PDE4D: variants seen among roughly 807,000 people sequenced by gnomAD.
The protein encoded by PDE4D is 3',5'-cyclic-AMP phosphodiesterase 4D.
In PDE4D, 24 loss-of-function variants were observed where a neutral mutation model predicts 87.4. The observed-to-expected ratio is 0.27, with a 90% CI of 0.20 to 0.39. PDE4D has a LOEUF of 0.39. Among genes scored for constraint, PDE4D ranks in the 10% least tolerant of loss-of-function variants. PDE4D has a pLI of 1.00. For missense variants in PDE4D, 714 were observed against 1,041.0 expected (o/e 0.69, Z 4.32); for synonymous variants, 384 against 383.2 (o/e 1.00, Z -0.02).
At chr5:60,279,944 T>G (rs1751736115) in intron 1 of PDE4D, among the ~76,000 whole-genome samples, 1 of 152,070 alleles carries the variant, frequency 6.6e-6, no homozygotes, top group Non-Finnish European at 1.5e-5. Context: ...CCTCCCAAAG[T>G]GCTGGGATTA....
At chr5:59,949,882 A>C (rs1178456714) in intron 3 of PDE4D, among the ~76,000 whole-genome samples, 3 of 152,092 alleles carry the variant, frequency 2.0e-5, no homozygotes, top group Non-Finnish European at 4.4e-5. Context: ...TATTTGCTTT[A>C]TATTATTTTA....
At chr5:59,801,804 T>A (rs932831781) in intron 1 of PDE4D, among the ~76,000 whole-genome samples, 2 of 152,164 alleles carry the variant, frequency 1.3e-5, no homozygotes, top group African/African-American at 4.8e-5. Context: ...AACAAACACT[T>A]ACCCACCAGA....
At chr5:60,473,702 T>C (rs1748036873) in intron 1 of PDE4D, among the ~76,000 whole-genome samples, 1 of 151,908 alleles carries the variant, frequency 6.6e-6, no homozygotes, top group African/African-American at 2.4e-5. Context: ...TGTCAATGGC[T>C]CCCCATGCCA....
chr5:59,669,867 A>G (rs1746902136), intron 1 of PDE4D, among the ~76,000 whole-genome samples: 1 of 152,214 alleles, frequency 6.6e-6, no homozygotes, highest in South Asian at 2.1e-4. Context: ...TCTACATTTT[A>G]TCAGTCAGTG....
At chr5:59,018,395 T>G (rs1754458102) in intron 6 of PDE4D, among the ~76,000 whole-genome samples, 1 of 152,210 alleles carries the variant, frequency 6.6e-6, no homozygotes. Context: ...CTATTACACT[T>G]TGGGTGAATG....
intron 2 of PDE4D, chr5:60,127,724 C>A (rs1230002966): frequency 8.9e-6 from 5 of 563,138 alleles, no homozygotes; most frequent in Non-Finnish European, 1.6e-5. Flanking sequence ...TATTTTGGAT[C>A]TAAAATGCCT....
chr5:59,905,988 A>G (rs1477854558), intron 3 of PDE4D, among the ~76,000 whole-genome samples: 1 of 152,128 alleles, frequency 6.6e-6, no homozygotes, highest in African/African-American at 2.4e-5. Context: ...TTTTATTTCT[A>G]TTCCATATGT....
chr5:59,002,067 A>G (rs796573886), intron 6 of PDE4D: 5 of 516,006 alleles, frequency 9.7e-6, no homozygotes, highest in African/African-American at 9.6e-5. Context: ...CCTTACCATT[A>G]CCCCTCCCGT....
chr5:60,354,330 G>T (rs1182312482), intron 1 of PDE4D, among the ~76,000 whole-genome samples: 1 of 152,128 alleles, frequency 6.6e-6, no homozygotes, highest in Non-Finnish European at 1.5e-5. Context: ...ACAGAAAATG[G>T]CAAGGCACAC....
chr5:59,128,226 G>A lies in PDE4D; in HGVS notation c.808+52369C>T, dbSNP rs775355872. ...TCAGAACCAGCGCCCAGGTCCCCAC[G>A]TGAAGCCCATATTCACCCCAGATGG... On this transcript the variant is annotated intron_variant, in intron 5 of 14. Transcript: ENST00000340635. 2.6e-5 allele frequency among the ~76,000 whole-genome samples: 4 copies of A among 151,850 alleles called. No homozygotes were observed. The East Asian group carries it at 7.7e-4, about 29-fold the overall frequency.
At chr5:60,430,865 T>G in intron 1 of PDE4D, 1 of 244,086 alleles carries the variant, frequency 4.1e-6, no homozygotes, top group Non-Finnish European at 8.2e-6. Context: ...GGGGGTAAGG[T>G]CACAGATCAA....
intron 1 of PDE4D, among the ~76,000 whole-genome samples, chr5:59,479,740 G>A (rs1008035153): frequency 3.3e-5 from 5 of 152,030 alleles, no homozygotes; most frequent in African/African-American, 7.2e-5. Flanking sequence ...AAAATAAACC[G>A]TATTTTTACA....
intron 1 of PDE4D, among the ~76,000 whole-genome samples, chr5:59,864,731 C>T (rs540850924): frequency 3.9e-5 from 6 of 152,276 alleles, no homozygotes; most frequent in African/African-American, 1.2e-4. Context: ...CAGTACCTTT[C>T]ACCCTTAGAT....
At chr5:59,804,892 A>C (rs992628418) in intron 1 of PDE4D, among the ~76,000 whole-genome samples, 1 of 152,146 alleles carries the variant, frequency 6.6e-6, no homozygotes, top group Non-Finnish European at 1.5e-5. Flanking sequence ...CCCAGGTTCA[A>C]GCGATTCTCC....
rs576862807 is a variant in PDE4D, at chr5:58,995,403, T to A, written c.922-1938A>T. ...CTGCTTGTGTTCACTCAGCATTATA[T>A]CTTATAACCTACTGAAAAAAATAAA... On this transcript the variant is annotated intron_variant, in intron 6 of 14. Coordinates refer to ENST00000340635, the MANE Select transcript of PDE4D (RefSeq NM_001104631.2). Among the ~76,000 whole-genome samples, 4 of 152,198 alleles carry A rather than the reference T, an allele frequency of 2.6e-5. No homozygotes were observed. The South Asian group carries it at 6.2e-4, about 24-fold the overall frequency.
At chr5:59,567,739 G>A (rs1821181811) in intron 1 of PDE4D, among the ~76,000 whole-genome samples, 1 of 152,152 alleles carries the variant, frequency 6.6e-6, no homozygotes, top group Non-Finnish European at 1.5e-5. Flanking sequence ...GAACAATTAA[G>A]TAAGCAAATG....
chr5:59,698,362 C>T (rs543083351), intron 1 of PDE4D, among the ~76,000 whole-genome samples: 5 of 152,142 alleles, frequency 3.3e-5, no homozygotes, highest in South Asian at 2.1e-4. Context: ...ATCTTGACCC[C>T]GGACTTTCTA....
At chr5:60,137,718 T>C (rs1273169889) in intron 2 of PDE4D, among the ~76,000 whole-genome samples, 1 of 152,192 alleles carries the variant, frequency 6.6e-6, no homozygotes, top group Non-Finnish European at 1.5e-5. Context: ...TTGCAACAAT[T>C]TTCTGCCATT....
rs147661594 is a variant in PDE4D at position 60,121,732 on chromosome 5, C to A, written c.42+63825G>T. ...CTAAACCATATAATTCCCCCCTGGG[C>A]CCTCCAAATCTCACGTCCTCACATT... On this transcript the variant is annotated intron_variant, in intron 2 of 16. Transcript: ENST00000502484. Among the ~76,000 whole-genome samples, 19 of 152,268 alleles carry A rather than the reference C, an allele frequency of 1.2e-4. No individual in the cohort carries two copies. The East Asian group carries it at 2.9e-3, about 23-fold the overall frequency.
Sources: gnomAD v4.1 joint callset for allele counts (sites outside exome capture counted in the v4.1 genomes callset) on GRCh38, gnomAD v4.1.1 for gene constraint, MANE v1.5 for transcripts, NCBI Gene and HGNC (gene_info 2026-07-23, HGNC 2026-07-21) for gene names.